EFHC1: variants seen among roughly 807,000 people sequenced by gnomAD.
EFHC1 encodes the protein EF-hand domain-containing protein 1.
Under a neutral mutation model 69.9 loss-of-function variants are expected in EFHC1, and 53 were observed. The observed-to-expected ratio is 0.76, with a 90% CI of 0.61 to 0.95. The LOEUF is 0.95. Ranked by LOEUF, EFHC1 falls within the 40% of genes least tolerant of loss-of-function variation. The pLI is 0.00. For synonymous variants in EFHC1, 256 were observed against 278.4 expected (o/e 0.92, Z 0.80); for missense variants, 739 against 798.7 (o/e 0.93, Z 0.90).
rs184843896 is a variant in EFHC1, at chr6:52,450,254, G to A, written c.574-2434G>A. Among the ~76,000 whole-genome samples, 491 of 152,298 alleles carry A rather than the reference G, an allele frequency of 3.2e-3. 2 individuals are homozygous for A. Among genetic ancestry groups the A allele is most frequent in the African/African-American group, 0.012 (480 of 41,578 alleles). ...TGGTCGATTTTAGAATATGTGCCAT[G>A]TGGTGATGAGAATAACGTATACTCT... On this transcript the variant is annotated intron_variant, in intron 3 of 10. Coordinates refer to ENST00000371068, the MANE Select transcript of EFHC1 (RefSeq NM_018100.4).
Position 52,421,953 on chromosome 6 carries a change from CTG to C in EFHC1, c.63+1483_63+1484del, listed in dbSNP as rs541122598. On this transcript the variant is annotated intron_variant, in intron 1 of 10. Transcript: ENST00000371068. ...ATTGCTGTATTACAAGTAAGAAGAA[CTG>C]TGCATTGGACATATTTCAGATTTTA... Among the ~76,000 whole-genome samples the C allele has an allele frequency of 1.3e-3, 198 of 152,330 alleles. 1 individual carries two copies. Among genetic ancestry groups the C allele is most frequent in the Admixed American group, 3.5e-3 (53 of 15,306 alleles).
intron 10 of EFHC1, 46 bp downstream of exon 10, chr6:52,490,396 T>C: frequency 1.3e-6 from 2 of 1,544,866 alleles, no homozygotes; most frequent in South Asian, 1.1e-5. Context: ...GGCTAGGCAC[T>C]GATCATTCTT....
At chr6:52,491,209 C>T (rs561215222) in intron 10 of EFHC1, among the ~76,000 whole-genome samples, 5 of 152,172 alleles carry the variant, frequency 3.3e-5, no homozygotes, top group African/African-American at 1.2e-4. Flanking sequence ...ATTTAGCTCC[C>T]CAAATTTTAG....
chr6:52,485,809 C>T (rs1420600915), intron 9 of EFHC1: 3 of 152,184 alleles, frequency 2.0e-5, no homozygotes, highest in African/African-American at 7.2e-5. Context: ...CTTATACAGT[C>T]TGCAGAACTC....
chr6:52,470,030 T>C (rs1765399741), intron 7 of EFHC1, among the ~76,000 whole-genome samples: 1 of 151,690 alleles, frequency 6.6e-6, no homozygotes. Context: ...GTCTTTAAAA[T>C]GGAAAAAAAA....
rs557409972 is a variant in EFHC1 at position 52,463,165 on chromosome 6, C to CTA, written c.917-1729_917-1728dup. Among the ~76,000 whole-genome samples, 155 of 149,848 alleles carry CTA rather than the reference C, an allele frequency of 1.0e-3. 1 individual carries two copies. Among genetic ancestry groups the CTA allele is most frequent in the Admixed American group, 3.1e-3 (46 of 15,010 alleles). The stretch of plus-strand genomic sequence containing the variant: ...GCCTCAGCCTCCCGAGTAGCTGGGA[C>CTA]TACAGGTGCCCGCCACCACACCCAG... On this transcript the variant is annotated intron_variant, in intron 5 of 10. Coordinates refer to ENST00000371068, the MANE Select transcript of EFHC1 (RefSeq NM_018100.4).
At chr6:52,420,547 C>A (rs901301996) in intron 1 of EFHC1, 74 bp downstream of exon 1, 1 of 1,510,622 alleles carries the variant, frequency 6.6e-7, no homozygotes, top group East Asian at 2.3e-5. Context: ...GCTCAGTGCA[C>A]CTCCATTCCC....
rs968455252 is a variant in EFHC1, at chr6:52,472,178, T to TA, written c.1278+2714dup. ...AAATGAAAGAAAACAAAACTTTTAA[T>TA]AAAAAAAAAGAATAAAAGGGGGTTT... On this transcript the variant is annotated intron_variant, in intron 7 of 10. Transcript: ENST00000371068. 5.7e-3 allele frequency among the ~76,000 whole-genome samples: 866 copies of TA among 150,934 alleles called. 8 individuals carry two copies. Among genetic ancestry groups the TA allele is most frequent in the African/African-American group, 0.02 (807 of 41,212 alleles).
chr6:52,484,484 T>A (rs1765746674), intron 9 of EFHC1: 4 of 152,220 alleles, frequency 2.6e-5, no homozygotes, highest in Admixed American at 2.6e-4. Context: ...GCAAACCTCT[T>A]AATGTCTGAC....
chr6:52,492,924 T>A lies in EFHC1; in HGVS notation c.*583T>A, dbSNP rs1415678845. 8.8e-6 allele frequency: 4 copies of A among 454,002 alleles called. No homozygotes were observed. The highest frequency in any genetic ancestry group is 7.0e-5 in the Admixed American group (3 of 42,556). 28.1% of individuals were successfully genotyped at this position (454,002 alleles called of 1,614,324 possible). ...GAGCCACTGTGCCCAGCCTCAGATA[T>A]TTCATTATTCTGGGGGTTTCTCTGA... On this transcript the variant is annotated 3_prime_UTR_variant, in exon 11 of 11. Transcript: ENST00000371068.
At chr6:52,445,120 A>G (rs1005961293) in intron 3 of EFHC1, among the ~76,000 whole-genome samples, 2 of 145,760 alleles carry the variant, frequency 1.4e-5, no homozygotes, top group African/African-American at 5.1e-5. Context: ...GGTAGGTTGT[A>G]TTTCTGTGGG....
At chr6:52,476,718 A>G (rs1581845409) in intron 7 of EFHC1, among the ~76,000 whole-genome samples, 1 of 152,166 alleles carries the variant, frequency 6.6e-6, no homozygotes, top group African/African-American at 2.4e-5. Flanking sequence ...GTAGTCTTCA[A>G]AAGCGTCAAA....
chr6:52,478,046 A>G (rs974269935), intron 7 of EFHC1, among the ~76,000 whole-genome samples: 22 of 152,282 alleles, frequency 1.4e-4, no homozygotes, highest in Admixed American at 1.2e-3. Context: ...ACAATGATAG[A>G]CTGGATTAAG....
chr6:52,449,506 T>A (rs9463788), intron 3 of EFHC1, among the ~76,000 whole-genome samples: 6,472 of 152,286 alleles, frequency 0.042, 243 homozygotes, highest in East Asian at 0.14. Context: ...TTTCAGAGCT[T>A]GTTATCAGTC....
At chr6:52,438,784 A>T (rs1764594582) in intron 3 of EFHC1, among the ~76,000 whole-genome samples, 193 bp downstream of exon 3, 1 of 152,172 alleles carries the variant, frequency 6.6e-6, no homozygotes, top group African/African-American at 2.4e-5. Flanking sequence ...ATTTTTTCAG[A>T]ATGATATTAA....
chr6:52,460,538 A>C (rs1235813726), intron 5 of EFHC1, among the ~76,000 whole-genome samples: 1 of 152,204 alleles, frequency 6.6e-6, no homozygotes, highest in Admixed American at 6.5e-5. Flanking sequence ...ACCTCAGTAA[A>C]GTTGTAAAAA....
intron 5 of EFHC1, among the ~76,000 whole-genome samples, chr6:52,457,577 T>C (rs1301258583): frequency 6.6e-6 from 1 of 152,212 alleles, no homozygotes; most frequent in African/African-American, 2.4e-5. Context: ...ATATTTATAA[T>C]GGATGGAGTT....
intron 9 of EFHC1, among the ~76,000 whole-genome samples, chr6:52,481,089 G>T (rs1156503511): frequency 2.0e-5 from 3 of 152,208 alleles, no homozygotes; most frequent in Non-Finnish European, 1.5e-5. Context: ...GCAAGAGACG[G>T]TGATGTTTGG....
At position 52,454,160 on chromosome 6, in the gene EFHC1, C is replaced by CATTCAT; in HGVS notation, c.790_795dup (p.Ile264_His265dup). ...TGTATGGTGAATGTCGGACCTACAT[C>CATTCAT]ATTCATTACTATCTTATGGATGATA... On this transcript the variant is annotated inframe_insertion, in exon 5 of 11. Transcript: ENST00000371068. 6.2e-7 allele frequency: 1 copy of CATTCAT among 1,614,056 alleles called. No individual in the cohort carries two copies. Among genetic ancestry groups the CATTCAT allele is most frequent in the South Asian group, 1.1e-5 (1 of 91,066 alleles).
Sources: allele counts gnomAD v4.1 joint callset (sites outside exome capture counted in the v4.1 genomes callset), GRCh38; gene constraint gnomAD v4.1.1; transcripts MANE v1.5; gene names NCBI Gene and HGNC (gene_info 2026-07-23, HGNC 2026-07-21).